The following FHOD3 variants were observed in gnomAD, a reference collection of about 807,000 sequenced individuals.
FHOD3 encodes the protein FH1/FH2 domain-containing protein 3.
A neutral mutation model predicts 173.0 loss-of-function variants in FHOD3; 90 were observed. That is an observed-to-expected ratio of 0.52 (90% confidence interval 0.44 to 0.62). The LOEUF (loss-of-function observed/expected upper bound fraction) is 0.62, where lower values mean the gene tolerates loss of function less well. FHOD3 is among the 20% of genes least tolerant of loss of function. The probability of loss-of-function intolerance (pLI) is 0.00; values close to 1 mark genes in which losing one functional copy is unlikely to be tolerated. For missense variants in FHOD3, 1,945 were observed against 2,034.7 expected (o/e 0.96, Z 0.85); for synonymous variants, 828 against 823.0 (o/e 1.01, Z -0.10).
At chr18:36,463,069 A>T (rs79889477) in intron 3 of FHOD3, among the ~76,000 whole-genome samples, 5,239 of 152,182 alleles carry the variant, frequency 0.034, 281 homozygotes, top group African/African-American at 0.12. Context: ...ATACCAACCC[A>T]TTGCAACTCT....
At position 36,740,774 on chromosome 18, in the gene FHOD3, T is replaced by C; in HGVS notation, c.3695T>C (p.Ile1232Thr). 6.2e-7 allele frequency: 1 copy of C among 1,614,106 alleles called. No individual in the cohort carries two copies. The highest frequency in any genetic ancestry group is 1.7e-4 in the Middle Eastern group (1 of 6,048). ...AEQFLLTLSS[I>T]SELSARLHLW... ...CAGTTCCTCCTCACCCTGTCCTCCA[T>C]CAGCGAGCTCTCTGCACGACTTCAC... The change falls in exon 21 of 29, where the codon ATC (isoleucine) becomes ACC (threonine). Residue 1232 changes from isoleucine (I) to threonine (T), a missense_variant. Coordinates refer to ENST00000590592, the MANE Select transcript of FHOD3 (RefSeq NM_001281740.3).
At chr18:36,298,480 C>A (rs2091866334) in intron 1 of FHOD3, among the ~76,000 whole-genome samples, 1 of 152,194 alleles carries the variant, frequency 6.6e-6, no homozygotes, top group African/African-American at 2.4e-5. Context: ...CCGCTGCGGG[C>A]GGCCACGCGA....
At chr18:36,403,561 A>G (rs1156848099) in intron 3 of FHOD3, among the ~76,000 whole-genome samples, 1 of 152,190 alleles carries the variant, frequency 6.6e-6, no homozygotes, top group Non-Finnish European at 1.5e-5. Flanking sequence ...TCCCCAAACA[A>G]ATATACTCCA....
At chr18:36,689,986 C>T (rs1381717677) in intron 16 of FHOD3, among the ~76,000 whole-genome samples, 2 of 152,072 alleles carry the variant, frequency 1.3e-5, no homozygotes, top group African/African-American at 4.8e-5. Context: ...GAAAAGTCAT[C>T]AGTAAGTAGG....
chr18:36,501,953 G>A lies in FHOD3; in HGVS notation c.359G>A (p.Gly120Glu), dbSNP rs901125834. The A allele has an allele frequency of 6.2e-7, 1 of 1,605,648 alleles. No individual in the cohort carries two copies. Among genetic ancestry groups the A allele is most frequent in the Non-Finnish European group, 8.5e-7 (1 of 1,175,350 alleles). ...TCAGAAAAACTATACAACTCCAGCG[G>A]ACGAGATTTGAGAAGGGCCCTCTTC... is the stretch of plus-strand genomic sequence containing the variant. ...ACIEKLYNSS[G>E]RDLRRALFSL... is the part of the protein sequence containing the mutation. Residue 120 changes from glycine to glutamate, a missense_variant, in exon 4 of 29, where the codon GGA (glycine) becomes GAA (glutamate). Gly to Glu is a moderately conservative substitution (Grantham distance 98). This residue lies in a region of FHOD3 where 245 missense variants were observed against 267.7 expected (regional missense o/e 0.92). Transcript: ENST00000590592.
At chr18:36,459,455 G>A (rs919005503) in intron 3 of FHOD3, among the ~76,000 whole-genome samples, 6 of 152,178 alleles carry the variant, frequency 3.9e-5, no homozygotes, top group Non-Finnish European at 8.8e-5. Context: ...TGCCTTAGGT[G>A]AGGGGAGTAC....
In FHOD3 at chr18:36,482,858, CAG is replaced by C. The variant is rs138052316; in HGVS notation, c.338-19038_338-19037del. On this transcript the variant is annotated intron_variant, in intron 3 of 28. Coordinates refer to ENST00000590592, the MANE Select transcript of FHOD3 (RefSeq NM_001281740.3). ...ACACACACACACACTCACACACACA[CAG>C]AGAGAGAGAGAGAGAGAGAGAGAGA... is the stretch of plus-strand genomic sequence containing the variant. Among the ~76,000 whole-genome samples the C allele has an allele frequency of 5.2e-3, 681 of 130,330 alleles. 4 individuals carry two copies. Among genetic ancestry groups the C allele is most frequent in the Middle Eastern group, 7.9e-3 (2 of 254 alleles). The allele number at this position is 130,330 out of a possible 152,430, so 85.5% of individuals were successfully genotyped here.
At chr18:36,687,606 G>C (rs527835230) in intron 16 of FHOD3, among the ~76,000 whole-genome samples, 1 of 152,192 alleles carries the variant, frequency 6.6e-6, no homozygotes, top group South Asian at 2.1e-4. Flanking sequence ...GATGTGCCTG[G>C]TCACTTACCT....
chr18:36,371,949 T>C (rs2047215216), intron 2 of FHOD3, among the ~76,000 whole-genome samples: 1 of 152,016 alleles, frequency 6.6e-6, no homozygotes, highest in South Asian at 2.1e-4. Flanking sequence ...TCCTGTTGGG[T>C]AGCCAGGACT....
chr18:36,578,874 A>G (rs1003151948), intron 6 of FHOD3, among the ~76,000 whole-genome samples: 12 of 151,808 alleles, frequency 7.9e-5, no homozygotes, highest in Non-Finnish European at 1.6e-4. Context: ...TTTTTCTAGT[A>G]CTTATTGATG....
chr18:36,390,120 G>A (rs560434999), intron 3 of FHOD3, among the ~76,000 whole-genome samples: 4 of 152,242 alleles, frequency 2.6e-5, no homozygotes, highest in South Asian at 4.2e-4. Flanking sequence ...ACTGGGCTCC[G>A]GCATTGAGGC....
At chr18:36,450,129 C>G (rs1408711344) in intron 3 of FHOD3, among the ~76,000 whole-genome samples, 1 of 152,160 alleles carries the variant, frequency 6.6e-6, no homozygotes, top group Admixed American at 6.5e-5. Flanking sequence ...ATCTTTGTAT[C>G]CTCATAGCTT....
chr18:36,566,790 C>T (rs914497546), intron 5 of FHOD3, among the ~76,000 whole-genome samples: 2 of 151,858 alleles, frequency 1.3e-5, no homozygotes, highest in African/African-American at 4.8e-5. Context: ...TTGGGTGACT[C>T]ACTGAAGGTG....
chr18:36,562,999 G>T (rs541456488), intron 5 of FHOD3, among the ~76,000 whole-genome samples: 2 of 152,266 alleles, frequency 1.3e-5, no homozygotes, highest in South Asian at 2.1e-4. Flanking sequence ...TCATGTAATC[G>T]CAGGACACAG....
chr18:36,558,049 T>C (rs1036224945), intron 5 of FHOD3, among the ~76,000 whole-genome samples: 56 of 152,204 alleles, frequency 3.7e-4, no homozygotes, highest in Admixed American at 2.4e-3. Flanking sequence ...CTGGGTACTT[T>C]TCTTTCCAAT....
At chr18:36,553,418 G>A (rs984285569) in intron 5 of FHOD3, among the ~76,000 whole-genome samples, 8 of 152,152 alleles carry the variant, frequency 5.3e-5, no homozygotes, top group Admixed American at 4.6e-4. Flanking sequence ...TTGTACCTGT[G>A]GTAGAATTCG....
At chr18:36,399,706 A>C (rs8092959) in intron 3 of FHOD3, among the ~76,000 whole-genome samples, 115,552 of 152,170 alleles carry the variant, frequency 0.76, 45,489 homozygotes, top group East Asian at 0.99. Flanking sequence ...CACATTTAGT[A>C]TTGATGACCC....
intron 14 of FHOD3, among the ~76,000 whole-genome samples, chr18:36,660,855 C>G (rs1033465527): frequency 2.0e-5 from 3 of 152,174 alleles, no homozygotes; most frequent in Non-Finnish European, 4.4e-5. Flanking sequence ...GGTGGGATGA[C>G]TCTCCTAAGT....
At chr18:36,370,182 C>G (rs2047111087) in intron 2 of FHOD3, among the ~76,000 whole-genome samples, 1 of 152,134 alleles carries the variant, frequency 6.6e-6, no homozygotes, top group African/African-American at 2.4e-5. Flanking sequence ...CTCTTCCCCA[C>G]CTCAGCCTGC....
Sources: allele counts gnomAD v4.1 joint callset (sites outside exome capture counted in the v4.1 genomes callset), GRCh38; gene constraint gnomAD v4.1.1; regional missense constraint gnomAD v4.1.1; transcripts MANE v1.5; gene names NCBI Gene and HGNC (gene_info 2026-07-23, HGNC 2026-07-21).